Variants in GARIN2 observed in about 807,000 individuals in gnomAD.
The protein encoded by GARIN2 is golgi associated RAB2 interactor family member 2.
the GARIN2 span, among the ~76,000 whole-genome samples, chr14:67,194,330 C>T: frequency 3.3e-4 from 50 of 151,288 alleles, no homozygotes; most frequent in East Asian, 5.1e-3. Flanking sequence ...CTCCATTGCA[C>T]TCCAGCCTGG....
chr14:67,198,877 TG>T, the GARIN2 span: 3 of 668,754 alleles, frequency 4.5e-6, no homozygotes, highest in Admixed American at 4.2e-5. Flanking sequence ...ATGAGTTCAA[TG>T]ATAGGGGTCA....
the GARIN2 span, among the ~76,000 whole-genome samples, chr14:67,195,042 G>C: frequency 1.3e-5 from 2 of 152,296 alleles, no homozygotes; most frequent in African/African-American, 4.8e-5. Flanking sequence ...GATGTTGGTG[G>C]GGTGAGGGGT....
chr14:67,199,487 G>A, the GARIN2 span: 3 of 1,613,092 alleles, frequency 1.9e-6, no homozygotes, highest in Middle Eastern at 5.0e-4. Flanking sequence ...CAACTCCAAA[G>A]GTTATGCCTT....
the GARIN2 span, among the ~76,000 whole-genome samples, chr14:67,222,996 G>A: frequency 7.0e-6 from 1 of 143,614 alleles, no homozygotes; most frequent in East Asian, 2.1e-4. Context: ...CCTTCCCATT[G>A]GGCTTTTTTT....
At chr14:67,196,554 A>G in the GARIN2 span, among the ~76,000 whole-genome samples, 3 of 152,168 alleles carry the variant, frequency 2.0e-5, no homozygotes, top group Admixed American at 2.0e-4. Flanking sequence ...GAAGATGTCA[A>G]CAAAAGGTTT....
At chr14:67,194,153 A>G in the GARIN2 span, among the ~76,000 whole-genome samples, 485 of 152,062 alleles carry the variant, frequency 3.2e-3, 1 homozygote, top group Non-Finnish European at 5.4e-3. Context: ...GCTTGAGCTC[A>G]GGAGTTCGAG....
the GARIN2 span, chr14:67,199,461 G>C: frequency 6.8e-6 from 11 of 1,612,862 alleles, no homozygotes; most frequent in East Asian, 2.5e-4. Context: ...AAGATTATGT[G>C]GGACCCTGAC....
the GARIN2 span, among the ~76,000 whole-genome samples, chr14:67,213,880 G>A: frequency 6.6e-6 from 1 of 152,076 alleles, no homozygotes; most frequent in Non-Finnish European, 1.5e-5. Flanking sequence ...GATGGTATCT[G>A]ATTGTGGTTT....
At chr14:67,197,596 T>G in the GARIN2 span, among the ~76,000 whole-genome samples, 4 of 151,988 alleles carry the variant, frequency 2.6e-5, no homozygotes, top group African/African-American at 9.7e-5. Flanking sequence ...CGACTTAGAG[T>G]CTCATAAGGA....
the GARIN2 span, among the ~76,000 whole-genome samples, chr14:67,207,306 G>A: frequency 3.3e-5 from 5 of 151,970 alleles, no homozygotes; most frequent in Non-Finnish European, 5.9e-5. Context: ...GAAGAGAAGG[G>A]GAGCCAGCAC....
the GARIN2 span, among the ~76,000 whole-genome samples, chr14:67,222,259 T>A: frequency 6.6e-6 from 1 of 152,200 alleles, no homozygotes; most frequent in Non-Finnish European, 1.5e-5. Flanking sequence ...CTTTAGCCTC[T>A]ACCAGGTGAT....
At chr14:67,192,994 ATC>A in the GARIN2 span, among the ~76,000 whole-genome samples, 27 of 146,362 alleles carry the variant, frequency 1.8e-4, no homozygotes, top group African/African-American at 5.9e-4. Context: ...CTCTCTATAT[ATC>A]TCTATATATC....
the GARIN2 span, among the ~76,000 whole-genome samples, chr14:67,205,666 A>G: frequency 6.6e-6 from 1 of 152,194 alleles, no homozygotes; most frequent in Non-Finnish European, 1.5e-5. Context: ...AGAGAATAAT[A>G]TATGTGGAGA....
the GARIN2 span, chr14:67,203,222 C>A: frequency 6.2e-6 from 10 of 1,613,374 alleles, no homozygotes; most frequent in Non-Finnish European, 8.5e-6. Context: ...CACCTGGTGC[C>A]CAAAAAGATA....
At chr14:67,200,936 C>G in the GARIN2 span, among the ~76,000 whole-genome samples, 1 of 152,206 alleles carries the variant, frequency 6.6e-6, no homozygotes, top group Non-Finnish European at 1.5e-5. Flanking sequence ...CACAACCCCA[C>G]CTGGTTAGCA....
chr14:67,223,602 G>T, the GARIN2 span: 1 of 468,250 alleles, frequency 2.1e-6, no homozygotes, highest in Non-Finnish European at 2.8e-6. Flanking sequence ...TCCACTCTGG[G>T]CTTGTTAAAT....
chr14:67,220,844 A>G, the GARIN2 span, among the ~76,000 whole-genome samples: 3 of 152,238 alleles, frequency 2.0e-5, no homozygotes, highest in Non-Finnish European at 4.4e-5. Context: ...TTTAACATTT[A>G]CTTTCTGAAA....
At chr14:67,221,655 A>C in the GARIN2 span, 2 of 1,455,564 alleles carry the variant, frequency 1.4e-6, no homozygotes, top group Non-Finnish European at 1.9e-6. Flanking sequence ...GGTTTGCTAA[A>C]CGTGTTTCAT....
At chr14:67,226,855 C>A in the GARIN2 span, among the ~76,000 whole-genome samples, 1 of 152,190 alleles carries the variant, frequency 6.6e-6, no homozygotes, top group East Asian at 1.9e-4. Context: ...TAATATTCCC[C>A]TTAACTTGTT....
Sources: allele counts gnomAD v4.1 joint callset (sites outside exome capture counted in the v4.1 genomes callset), GRCh38; gene constraint gnomAD v4.1.1; transcripts MANE v1.5; gene names NCBI Gene and HGNC (gene_info 2026-07-23, HGNC 2026-07-21).